MAPT: variants seen among roughly 807,000 people sequenced by gnomAD.
MAPT encodes the protein microtubule-associated protein tau.
A neutral mutation model predicts 67.9 loss-of-function variants in MAPT; 34 were observed. The ratio of observed to expected loss-of-function variants is 0.50; its 90% CI spans 0.38 to 0.67. MAPT has a LOEUF of 0.67. Ranked by LOEUF, MAPT falls within the 30% of genes least tolerant of loss-of-function variation. The pLI is 0.00. For missense variants in MAPT, 881 were observed against 1,115.2 expected (o/e 0.79, Z 2.99); for synonymous variants, 456 against 464.5 (o/e 0.98, Z 0.23).
intron 3 of MAPT, chr17:45,975,762 C>G (rs1375400868): frequency 6.6e-6 from 1 of 152,236 alleles, no homozygotes; most frequent in East Asian, 1.9e-4. Flanking sequence ...GTCAAAGCTT[C>G]TAACTCCATT....
rs535897390 is a variant in MAPT at position 45,939,622 on chromosome 17, G to A, written c.-17-22699G>A. ...ATTGCAGTGCTCCTGAATTGTAAAT[G>A]GGCTTTTACGAGGAGGTTTCTAATT... On this transcript the variant is annotated intron_variant, in intron 1 of 12. Transcript: ENST00000262410. 2.6e-5 allele frequency among the ~76,000 whole-genome samples: 4 copies of A among 152,306 alleles called. No individual in the cohort carries two copies. The South Asian group carries it at 8.3e-4, about 32-fold the overall frequency.
Position 46,025,858 on chromosome 17 carries a change from C to T in MAPT, c.*1687C>T, listed in dbSNP as rs1377417402. 6.6e-6 allele frequency: 1 copy of T among 152,606 alleles called. No individual in the cohort carries two copies. Among genetic ancestry groups the T allele is most frequent in the Non-Finnish European group, 1.5e-5 (1 of 68,320 alleles). The allele number at this position is 152,606 out of a possible 1,614,324, so 9.5% of individuals were successfully genotyped here. A position where few individuals can be genotyped will look rare whatever the true frequency, so the allele number is the denominator to read the frequency against. On this transcript the variant is annotated 3_prime_UTR_variant, in exon 13 of 13. Transcript: ENST00000262410. ...CTCCCAGACAGCCCAGCCCGCTGCT[C>T]AGCTCCACATGCATAGTATCAGCCC...
intron 1 of MAPT, among the ~76,000 whole-genome samples, chr17:45,945,842 T>C (rs2068427312): frequency 6.6e-6 from 1 of 152,014 alleles, no homozygotes; most frequent in African/African-American, 2.4e-5. Flanking sequence ...CAAAGCTTGT[T>C]AATACCAGCA....
At chr17:45,951,212 G>T (rs1184643197) in intron 1 of MAPT, among the ~76,000 whole-genome samples, 1 of 152,294 alleles carries the variant, frequency 6.6e-6, no homozygotes, top group East Asian at 1.9e-4. Flanking sequence ...AGGGGAGAAG[G>T]GGGAGCAGCT....
rs148108565 is a variant in MAPT at position 45,914,372 on chromosome 17, A to G, written c.-18+19686A>G. 1.2e-4 allele frequency among the ~76,000 whole-genome samples: 18 copies of G among 152,344 alleles called. 1 individual carries two copies. The East Asian group carries it at 2.9e-3, about 25-fold the overall frequency. ...CATCCATGGGGGGACACACTGGTGA[A>G]TCATCTGTTATGTAGAAGTCTGGAA... On this transcript the variant is annotated intron_variant, in intron 1 of 12. Coordinates refer to ENST00000262410, the MANE Select transcript of MAPT (RefSeq NM_001377265.1).
chr17:45,946,615 A>AATATATATATATATATATATATAT (rs1177094945), intron 1 of MAPT, among the ~76,000 whole-genome samples: 1 of 100,408 alleles, frequency 1.0e-5, no homozygotes. Flanking sequence ...AAAAAAAAAA[A>AATATATATATATATATATATATAT]ATATATATAT....
intron 1 of MAPT, among the ~76,000 whole-genome samples, chr17:45,954,908 C>T (rs903663207): frequency 3.9e-5 from 6 of 152,090 alleles, no homozygotes; most frequent in Non-Finnish European, 7.4e-5. Flanking sequence ...GTCTTGAACC[C>T]GGGAGGTGGA....
chr17:46,009,878 C>T (rs900331787), intron 9 of MAPT, among the ~76,000 whole-genome samples: 1 of 152,170 alleles, frequency 6.6e-6, no homozygotes, highest in Non-Finnish European at 1.5e-5. Context: ...GGGAATGTGC[C>T]GGTGGGTCTA....
chr17:45,895,163 TAAGA>T (rs1180839101), intron 1 of MAPT: 1 of 151,918 alleles, frequency 6.6e-6, no homozygotes, highest in Non-Finnish European at 1.5e-5. Context: ...CCATCAGCTC[TAAGA>T]AAGACGTGGA....
At chr17:45,938,253 C>A (rs1344265485) in intron 1 of MAPT, among the ~76,000 whole-genome samples, 1 of 152,186 alleles carries the variant, frequency 6.6e-6, no homozygotes, top group African/African-American at 2.4e-5. Context: ...TCTGGAGGGT[C>A]CAGGGGAGAA....
chr17:45,940,514 T>A (rs1232395095), intron 1 of MAPT, among the ~76,000 whole-genome samples: 1 of 152,244 alleles, frequency 6.6e-6, no homozygotes. Context: ...GTTGTCATGA[T>A]TGCTGTTACC....
intron 1 of MAPT, among the ~76,000 whole-genome samples, chr17:45,924,879 C>A (rs2066129902): frequency 6.6e-6 from 1 of 152,196 alleles, no homozygotes; most frequent in South Asian, 2.1e-4. Flanking sequence ...TTAATCTACA[C>A]CAGAATTTTC....
At chr17:45,990,534 T>C (rs1382410873) in intron 7 of MAPT, 1 of 446,508 alleles carries the variant, frequency 2.2e-6, no homozygotes, top group Admixed American at 2.4e-5. Context: ...AAGGATTGCT[T>C]GAACCCCAGA....
intron 1 of MAPT, among the ~76,000 whole-genome samples, chr17:45,940,658 C>T (rs1401533055): frequency 6.6e-6 from 1 of 152,062 alleles, no homozygotes; most frequent in Admixed American, 6.5e-5. Flanking sequence ...CTGTGAAGGG[C>T]CCCCTGGGAT....
chr17:46,013,628 C>T (rs1029540239), intron 10 of MAPT, among the ~76,000 whole-genome samples: 1 of 152,222 alleles, frequency 6.6e-6, no homozygotes, highest in East Asian at 1.9e-4. Flanking sequence ...CTGGTTCTCA[C>T]GTCCGAGCTG....
chr17:45,932,311 C>T (rs966664573), intron 1 of MAPT, among the ~76,000 whole-genome samples: 1 of 152,056 alleles, frequency 6.6e-6, no homozygotes, highest in Non-Finnish European at 1.5e-5. Context: ...TTACTCTCTG[C>T]CAGGCACGGT....
At chr17:45,908,554 C>T (rs1426589597) in intron 1 of MAPT, among the ~76,000 whole-genome samples, 1 of 152,178 alleles carries the variant, frequency 6.6e-6, no homozygotes, top group Non-Finnish European at 1.5e-5. Flanking sequence ...CTCAAAAATC[C>T]ACTTTACTTT....
chr17:45,964,508 C>T (rs991437525), intron 2 of MAPT, among the ~76,000 whole-genome samples: 12 of 151,544 alleles, frequency 7.9e-5, no homozygotes, highest in African/African-American at 2.2e-4. Context: ...AGTGAGACCT[C>T]GTCTCTACAG....
chr17:45,978,477 T>C (rs1199970223), intron 4 of MAPT, 37 bp downstream of exon 4: 1 of 1,544,970 alleles, frequency 6.5e-7, no homozygotes, highest in Non-Finnish European at 8.9e-7. Flanking sequence ...GACTTGGGGG[T>C]TGGGGGGAGG....
Sources: allele counts gnomAD v4.1 joint callset (sites outside exome capture counted in the v4.1 genomes callset), GRCh38; gene constraint gnomAD v4.1.1; transcripts MANE v1.5; gene names NCBI Gene and HGNC (gene_info 2026-07-23, HGNC 2026-07-21).